The following FAM228B variants were observed in gnomAD, a reference collection of about 807,000 sequenced individuals.
The protein encoded by FAM228B is protein FAM228B.
FAM228B carries 38 observed loss-of-function variants against 42.6 expected under a neutral mutation model. The observed-to-expected ratio is 0.89, with a 90% CI of 0.69 to 1.17. FAM228B has a LOEUF of 1.17. FAM228B is among the 50% of genes most tolerant of loss of function. The pLI is 0.00. For missense variants in FAM228B, 344 were observed against 367.3 expected (o/e 0.94, Z 0.52); for synonymous variants, 109 against 122.3 (o/e 0.89, Z 0.72).
chr2:24,104,043 G>A (rs1367866083), intron 3 of FAM228B, among the ~76,000 whole-genome samples: 2 of 152,210 alleles, frequency 1.3e-5, no homozygotes, highest in Admixed American at 6.5e-5. Context: ...ACACTGAGCT[G>A]CAGGCCGATC....
intron 8 of FAM228B, among the ~76,000 whole-genome samples, chr2:24,163,107 A>G (rs531399732): frequency 1.2e-4 from 18 of 152,222 alleles, no homozygotes; most frequent in Non-Finnish European, 2.5e-4. Flanking sequence ...AATAATAAAA[A>G]AGGAACCTAG....
intron 2 of FAM228B, among the ~76,000 whole-genome samples, chr2:24,132,354 G>A (rs558945924): frequency 6.6e-5 from 10 of 152,162 alleles, no homozygotes; most frequent in African/African-American, 2.4e-4. Flanking sequence ...AATGAGTTAG[G>A]GAGGAGTCCC....
At chr2:24,114,879 G>A (rs1665864578) in intron 3 of FAM228B, among the ~76,000 whole-genome samples, 1 of 152,176 alleles carries the variant, frequency 6.6e-6, no homozygotes, top group South Asian at 2.1e-4. Context: ...TTACTAAGGT[G>A]TGCAGTGAGA....
chr2:24,138,130 A>AG (rs1477359886), intron 4 of FAM228B, 30 bp downstream of exon 4: 1 of 1,464,176 alleles, frequency 6.8e-7, no homozygotes, highest in East Asian at 2.5e-5. Flanking sequence ...TGCTTTTTTC[A>AG]GTTGATTTAG....
upstream of FAM228B, chr2:24,122,873 CTG>C (rs1373547047): frequency 5.4e-6 from 1 of 186,606 alleles, no homozygotes; most frequent in African/African-American, 2.3e-5. Flanking sequence ...GAGAAAAACT[CTG>C]TAAAATAAAA....
Position 24,156,856 on chromosome 2 carries a change from T to G in FAM228B, c.687-4650T>G, listed in dbSNP as rs568304856. ...TTGTTTCAATTTCATTTAGTTCTGC[T>G]CTGATCTCTTTATTTCTCTTCTGCC... is the stretch of plus-strand genomic sequence containing the variant. On this transcript the variant is annotated intron_variant, in intron 7 of 10. Transcript: ENST00000615575. Among the ~76,000 whole-genome samples the G allele has an allele frequency of 2.0e-5, 3 of 148,806 alleles. 1 individual carries two copies. Among genetic ancestry groups the G allele is most frequent in the Non-Finnish European group, 4.5e-5 (3 of 67,224 alleles).
intron 2 of FAM228B, among the ~76,000 whole-genome samples, chr2:24,129,611 C>G (rs1368668610): frequency 6.6e-6 from 1 of 152,054 alleles, no homozygotes; most frequent in Non-Finnish European, 1.5e-5. Context: ...CTCTAATCTG[C>G]TACTAACCCA....
chr2:24,119,498 G>A, upstream of FAM228B: 1 of 1,014,376 alleles, frequency 9.9e-7, no homozygotes. Flanking sequence ...TAGCTGGTTT[G>A]AGTTGGATCT....
chr2:24,126,211 G>A (rs993307709), intron 2 of FAM228B, among the ~76,000 whole-genome samples: 1 of 152,164 alleles, frequency 6.6e-6, no homozygotes, highest in Non-Finnish European at 1.5e-5. Flanking sequence ...GGGTCATATG[G>A]TAAATGAATT....
intron 4 of FAM228B, among the ~76,000 whole-genome samples, chr2:24,138,801 C>T (rs970327819): frequency 5.3e-5 from 8 of 151,538 alleles, no homozygotes; most frequent in Non-Finnish European, 1.0e-4. Flanking sequence ...ACAAAATTAG[C>T]CAGGCATGGT....
intron 3 of FAM228B, chr2:24,097,542 T>C (rs930072494): frequency 1.3e-5 from 2 of 150,360 alleles, no homozygotes; most frequent in African/African-American, 4.9e-5. Context: ...GACAAGGCCA[T>C]TACATAATGG....
chr2:24,110,323 T>A (rs537674165), intron 3 of FAM228B, among the ~76,000 whole-genome samples: 2 of 152,158 alleles, frequency 1.3e-5, no homozygotes, highest in South Asian at 2.1e-4. Context: ...AAAAAACACC[T>A]ATCAGTCACC....
chr2:24,135,048 A>T, intron 2 of FAM228B, 71 bp from the exon 3 acceptor site: 3 of 973,738 alleles, frequency 3.1e-6, no homozygotes, highest in Non-Finnish European at 4.7e-6. Context: ...GTCATGCTAA[A>T]TATAATGATT....
intron 2 of FAM228B, among the ~76,000 whole-genome samples, chr2:24,124,923 A>G (rs2151012652): frequency 6.6e-6 from 1 of 152,306 alleles, no homozygotes; most frequent in South Asian, 2.1e-4. Context: ...GCTGGTCCCC[A>G]ACTCCTGAGC....
intron 7 of FAM228B, among the ~76,000 whole-genome samples, chr2:24,159,302 T>C (rs990847748): frequency 1.1e-4 from 16 of 152,254 alleles, no homozygotes; most frequent in African/African-American, 3.6e-4. Context: ...GAATCATGTA[T>C]TGAGTTGTAA....
intron 2 of FAM228B, among the ~76,000 whole-genome samples, chr2:24,090,301 G>T: frequency 6.6e-6 from 1 of 151,774 alleles, no homozygotes; most frequent in East Asian, 1.9e-4. Context: ...AATTAGCAAG[G>T]ACTGGCACGG....
At chr2:24,124,564 TTTCA>T (rs1222827067) in intron 2 of FAM228B, 104 bp downstream of exon 2, 23 of 662,752 alleles carry the variant, frequency 3.5e-5, no homozygotes, top group South Asian at 9.3e-5. Flanking sequence ...TTTGTTTTTA[TTTCA>T]TTCTGTTTAT....
In FAM228B at chr2:24,077,677, G is replaced by C; in HGVS notation, c.-290+708G>C. 1 of 1,614,096 alleles carries C rather than the reference G, an allele frequency of 6.2e-7. No homozygotes were observed. Among genetic ancestry groups the C allele is most frequent in the South Asian group, 1.1e-5 (1 of 91,078 alleles). On this transcript the variant is annotated intron_variant, in intron 1 of 10. Transcript: ENST00000613899. This position sits in a 1 kb window ranked among gnomAD's most constrained non-coding sequence, Gnocchi z 5.5. The stretch of plus-strand genomic sequence containing the variant: ...TCGGTCACTGGGTAGATTCTGTCCA[G>C]AACCGGCAGCAGACGTTGGGGGCCC...
At chr2:24,082,462 T>C (rs1265456146) in intron 2 of FAM228B, among the ~76,000 whole-genome samples, 1 of 152,258 alleles carries the variant, frequency 6.6e-6, no homozygotes, top group South Asian at 2.1e-4. Flanking sequence ...CTTATGCATA[T>C]GTTGCCTTCT....
Sources: allele counts gnomAD v4.1 joint callset (sites outside exome capture counted in the v4.1 genomes callset), GRCh38; gene constraint gnomAD v4.1.1; non-coding constraint Gnocchi (gnomAD v3.1); transcripts MANE v1.5; gene names NCBI Gene and HGNC (gene_info 2026-07-23, HGNC 2026-07-21).